The following ENOX1 variants were observed in gnomAD, a reference collection of about 807,000 sequenced individuals.
The protein encoded by ENOX1 is candidate growth-related and time keeping constitutive hydroquinone (NADH) oxidase.
Under a neutral mutation model 82.5 loss-of-function variants are expected in ENOX1, and 42 were observed. That is an observed-to-expected ratio of 0.51 (90% CI 0.40 to 0.66). The LOEUF (loss-of-function observed/expected upper bound fraction) is 0.66. Ranked by LOEUF, ENOX1 falls within the 30% of genes least tolerant of loss-of-function variation. ENOX1 has a pLI of 0.00. For synonymous variants in ENOX1, 271 were observed against 282.2 expected, an observed-to-expected ratio of 0.96 and a Z score of 0.40; for missense variants, 608 against 811.6, an observed-to-expected ratio of 0.75 and a Z score of 3.05.
intron 1 of ENOX1, among the ~76,000 whole-genome samples, chr13:43,708,290 G>A (rs2087456854): frequency 2.0e-5 from 3 of 152,164 alleles, no homozygotes; most frequent in Admixed American, 1.3e-4. Context: ...AGGCCATTGC[G>A]CATGTCGACA....
chr13:43,351,710 A>AATG (rs1300398268), intron 8 of ENOX1, among the ~76,000 whole-genome samples: 1 of 150,512 alleles, frequency 6.6e-6, no homozygotes, highest in Non-Finnish European at 1.5e-5. Flanking sequence ...GTTTACTGAG[A>AATG]ATGATGATTT....
At chr13:43,277,231 T>C (rs993967378) in intron 12 of ENOX1, among the ~76,000 whole-genome samples, 11 of 152,244 alleles carry the variant, frequency 7.2e-5, no homozygotes, top group Non-Finnish European at 1.3e-4. Flanking sequence ...TTTTCTGATA[T>C]TGAATTTTAA....
intron 2 of ENOX1, among the ~76,000 whole-genome samples, chr13:43,531,977 T>A (rs187048273): frequency 3.0e-4 from 45 of 150,942 alleles, no homozygotes; most frequent in African/African-American, 1.0e-3. Context: ...TAATGCTAAA[T>A]GACGAGTTAA....
chr13:43,547,072 A>AGCG (rs957782598), intron 2 of ENOX1: 9 of 152,248 alleles, frequency 5.9e-5, no homozygotes, highest in Admixed American at 2.0e-4. Context: ...TTGTTTGTTA[A>AGCG]GCCGGCCCAG....
At chr13:43,283,951 G>A (rs1052304070) in intron 12 of ENOX1, among the ~76,000 whole-genome samples, 7 of 151,982 alleles carry the variant, frequency 4.6e-5, no homozygotes, top group African/African-American at 1.7e-4. Context: ...AATGATGTAT[G>A]TTTTAAACTT....
intron 2 of ENOX1, among the ~76,000 whole-genome samples, chr13:43,584,695 C>T (rs2080898298): frequency 6.6e-6 from 1 of 152,158 alleles, no homozygotes; most frequent in Non-Finnish European, 1.5e-5. Context: ...ATTCTGAATA[C>T]AAGAGTTCCT....
At chr13:43,679,472 A>G (rs2085677887) in intron 1 of ENOX1, among the ~76,000 whole-genome samples, 1 of 152,236 alleles carries the variant, frequency 6.6e-6, no homozygotes, top group African/African-American at 2.4e-5. Context: ...CATGTTTTAC[A>G]CATAATACCT....
intron 11 of ENOX1, among the ~76,000 whole-genome samples, chr13:43,309,576 T>C (rs376623307): frequency 6.6e-6 from 1 of 152,216 alleles, no homozygotes; most frequent in East Asian, 1.9e-4. Context: ...TGGCTTCAGT[T>C]CACATTCTTC....
chr13:43,369,967 C>T (rs1034282251), intron 5 of ENOX1, among the ~76,000 whole-genome samples: 1 of 152,240 alleles, frequency 6.6e-6, no homozygotes, highest in Admixed American at 6.5e-5. Context: ...TTGTTTTGCT[C>T]TCACCACAGC....
intron 14 of ENOX1, among the ~76,000 whole-genome samples, chr13:43,253,300 TTCTA>T (rs1224263220): frequency 6.6e-6 from 1 of 152,214 alleles, no homozygotes; most frequent in Non-Finnish European, 1.5e-5. Flanking sequence ...TTTTTCTTCA[TTCTA>T]TCTTTGTACC....
At chr13:43,259,621 A>G (rs994608298) in intron 14 of ENOX1, among the ~76,000 whole-genome samples, 2 of 152,104 alleles carry the variant, frequency 1.3e-5, no homozygotes, top group Non-Finnish European at 2.9e-5. Flanking sequence ...ATTTACAGGC[A>G]TGTGCCACTA....
intron 1 of ENOX1, among the ~76,000 whole-genome samples, chr13:43,691,578 C>A (rs115078819): frequency 6.7e-4 from 102 of 152,166 alleles, no homozygotes; most frequent in African/African-American, 2.3e-3. Context: ...ACCTAAGAGA[C>A]TTTCACACTC....
At chr13:43,243,312 C>A (rs557158210) in intron 14 of ENOX1, among the ~76,000 whole-genome samples, 1 of 152,160 alleles carries the variant, frequency 6.6e-6, no homozygotes, top group African/African-American at 2.4e-5. Flanking sequence ...GCGCTCAAAC[C>A]CTCATTTTGT....
At chr13:43,374,665 T>C (rs1428823629) in intron 5 of ENOX1, among the ~76,000 whole-genome samples, 1 of 152,264 alleles carries the variant, frequency 6.6e-6, no homozygotes, top group Non-Finnish European at 1.5e-5. Flanking sequence ...TTTGAATTGT[T>C]ACTATGCTTT....
Position 43,725,662 on chromosome 13 carries a change from T to TA in ENOX1, c.-284-58119dup, listed in dbSNP as rs552725992. ...AAAGCCACTTTCTTCCCTGACCAGCTAGAAGCCACTTAGATAGTTTTCGCC... is the reference window on the plus strand; with the variant it reads ...AAAGCCACTTTCTTCCCTGACCAGCTAAGAAGCCACTTAGATAGTTTTCGCC... On this transcript the variant is annotated intron_variant, in intron 1 of 16. Coordinates refer to ENST00000690772, the MANE Select transcript of ENOX1 (RefSeq NM_001347969.2). Among the ~76,000 whole-genome samples, 13 of 152,236 alleles carry TA rather than the reference T, an allele frequency of 8.5e-5. No individual in the cohort carries two copies. In the East Asian group the frequency reaches 2.3e-3, roughly 27 times the overall value.
In ENOX1 at chr13:43,512,636, T is replaced by C. The variant is rs868556595; in HGVS notation, c.-218-28484A>G. Among the ~76,000 whole-genome samples the C allele has an allele frequency of 9.4e-3, 1,278 of 135,270 alleles. 21 individuals carry two copies. The highest frequency in any genetic ancestry group is 0.029 in the African/African-American group (981 of 33,674). The allele number at this position is 135,270 out of a possible 152,430, so 88.7% of individuals were successfully genotyped here. ...TGTGTGGGTTTTTTTTTTTTTTTTT[T>C]CCCATTTTGGAGCCAAAGAAATAAC... is the stretch of plus-strand genomic sequence containing the variant. On this transcript the variant is annotated intron_variant, in intron 2 of 16. Coordinates refer to ENST00000690772, the MANE Select transcript of ENOX1 (RefSeq NM_001347969.2).
At chr13:43,426,470 C>T (rs1324125578) in intron 3 of ENOX1, among the ~76,000 whole-genome samples, 1 of 152,102 alleles carries the variant, frequency 6.6e-6, no homozygotes, top group Admixed American at 6.6e-5. Flanking sequence ...AAAAGAATTC[C>T]CACCAGCATT....
chr13:43,527,910 T>C (rs530938422), intron 2 of ENOX1, among the ~76,000 whole-genome samples: 4 of 152,226 alleles, frequency 2.6e-5, no homozygotes, highest in African/African-American at 9.6e-5. Flanking sequence ...CAATACAAAG[T>C]GAGATGATAT....
intron 1 of ENOX1, among the ~76,000 whole-genome samples, chr13:43,688,397 C>T (rs866458842): frequency 6.6e-6 from 1 of 152,082 alleles, no homozygotes; most frequent in African/African-American, 2.4e-5. Context: ...GAATACTAGA[C>T]AGAATTAGCA....
Sources: allele counts gnomAD v4.1 joint callset (sites outside exome capture counted in the v4.1 genomes callset), GRCh38; gene constraint gnomAD v4.1.1; transcripts MANE v1.5; gene names NCBI Gene and HGNC (gene_info 2026-07-23, HGNC 2026-07-21).